Variants in MYO15A observed in about 807,000 individuals in gnomAD.
MYO15A encodes unconventional myosin-XV.
In MYO15A, 308 loss-of-function variants were observed where a neutral mutation model predicts 394.6. The ratio of observed to expected loss-of-function variants is 0.78; its 90% CI spans 0.71 to 0.86. The LOEUF is 0.86. Ranked by LOEUF, MYO15A falls within the 40% of genes least tolerant of loss-of-function variation. MYO15A has a pLI of 0.00. For synonymous variants in MYO15A, 1,957 were observed against 2,003.8 expected (o/e 0.98, Z 0.62); for missense variants, 4,606 against 4,799.1 (o/e 0.96, Z 1.19).
chr17:18,176,093 C>T (rs931006058), intron 65 of MYO15A, among the ~76,000 whole-genome samples: 1 of 152,184 alleles, frequency 6.6e-6, no homozygotes, highest in Non-Finnish European at 1.5e-5. Flanking sequence ...ACGATCCCTG[C>T]CCCCATAGCC....
At chr17:18,157,603 T>C in intron 50 of MYO15A, 119 bp from the exon 51 acceptor site, 2 of 1,528,226 alleles carry the variant, frequency 1.3e-6, no homozygotes, top group Admixed American at 2.1e-5. Flanking sequence ...TTTGATGGCC[T>C]GGCCTGCCTC....
In MYO15A at chr17:18,127,069, G is replaced by A. The variant is rs749417937; in HGVS notation, c.3942-6G>A. The A allele has an allele frequency of 6.8e-6, 11 of 1,613,898 alleles. No individual in the cohort carries two copies. The highest frequency in any genetic ancestry group is 5.5e-5 in the South Asian group (5 of 91,078). On this transcript the variant is annotated splice_polypyrimidine_tract_variant and splice_region_variant and intron_variant, in intron 6 of 65. Coordinates refer to ENST00000647165, the MANE Select transcript of MYO15A (RefSeq NM_016239.4). ...TGGAGCTCACTCTGCCCCTTTGCTC[G>A]GTCAGTGGAGAGAGCGGCTCTGGCA...
Position 18,157,898 on chromosome 17 carries a change from G to C in MYO15A, c.8965G>C (p.Glu2989Gln). The C allele has an allele frequency of 7.1e-7, 1 of 1,399,884 alleles. No individual in the cohort carries two copies. The allele number at this position is 1,399,884 out of a possible 1,614,324, so 86.7% of individuals were successfully genotyped here. The change falls in exon 51 of 66, where the codon GAG becomes CAG. Residue 2989 changes from glutamate (E) to glutamine (Q), a missense_variant and splice_region_variant. This residue lies in a region of MYO15A where 2,776 missense variants were observed against 3,109.3 expected (regional missense o/e 0.89). Coordinates refer to ENST00000647165, the MANE Select transcript of MYO15A (RefSeq NM_016239.4). ...AAAQEVGRRR[E>Q]GPPVRARSAD... ...TGCACAGGAGGTGGGCCGCAGGAGAGAGGTGAGACCAGTGTGGGTGGGGTG... is the reference window on the plus strand; with the variant it reads ...TGCACAGGAGGTGGGCCGCAGGAGACAGGTGAGACCAGTGTGGGTGGGGTG...
chr17:18,139,886 C>T (rs1467121954), intron 19 of MYO15A, among the ~76,000 whole-genome samples: 1 of 152,238 alleles, frequency 6.6e-6, no homozygotes, highest in Non-Finnish European at 1.5e-5. Context: ...TAACCCTGTA[C>T]CCCACCAGCT....
At position 18,141,278 on chromosome 17, in the gene MYO15A, C is replaced by T. The variant is rs2075659; in HGVS notation, c.5531+135C>T. The T allele has an allele frequency of 0.15, 190,405 of 1,309,638 alleles. 18,223 individuals carry two copies. The highest frequency in any genetic ancestry group is 0.49 in the East Asian group (20,245 of 41,118). 81.1% of individuals were successfully genotyped at this position (1,309,638 alleles called of 1,614,324 possible). ...GGTTGTACACTTCACAAGGCTACCA[C>T]ATGCTAACTGTTAATGTGGTAGATA... On this transcript the variant is annotated intron_variant, in intron 22 of 65. Coordinates refer to ENST00000647165, the MANE Select transcript of MYO15A (RefSeq NM_016239.4).
rs1456471717 is a variant in MYO15A, at chr17:18,121,425, C to T, written c.2625C>T (p.Leu875=). The T allele has an allele frequency of 3.2e-6, 5 of 1,544,482 alleles. No individual in the cohort carries two copies. The highest frequency in any genetic ancestry group is 3.5e-6 in the Non-Finnish European group (4 of 1,146,214). The change falls in exon 2 of 66, where the codon CTC becomes CTT. Residue 875 remains leucine, a synonymous_variant. Transcript: ENST00000647165. The surrounding 1 kb of genome is among the most constrained non-coding windows in gnomAD (Gnocchi z 5.3). ...PSRLPHTWRR[L]SEPPTRAVKP... The stretch of plus-strand genomic sequence containing the variant: ...GCCTCCCGCACACGTGGCGGCGCCT[C>T]AGCGAGCCACCCACTCGGGCTGTGA...
intron 7 of MYO15A, among the ~76,000 whole-genome samples, chr17:18,128,834 C>T (rs2046100526): frequency 6.6e-6 from 1 of 152,072 alleles, no homozygotes; most frequent in Admixed American, 6.5e-5. Context: ...TGGCAGAGAG[C>T]TGTCAGGGAG....
rs2045863378 is a variant in MYO15A, at chr17:18,119,529, C to T, written c.729C>T (p.Asp243=). Reference sequence around the variant, plus strand: ...ATTATGACTATCACCGCGACGGCGACGACTACTACGACCGGCAGTCACTCC... The same window carrying T: ...ATTATGACTATCACCGCGACGGCGATGACTACTACGACCGGCAGTCACTCC... The part of the protein sequence containing the change: ...GEYYDYHRDG[D]DYYDRQSLHR... Residue 243 remains aspartate (D), a synonymous_variant, in exon 2 of 66, where the codon GAC becomes GAT. Transcript: ENST00000647165. The T allele has an allele frequency of 1.2e-6, 2 of 1,609,818 alleles. No individual in the cohort carries two copies. The highest frequency in any genetic ancestry group is 8.5e-7 in the Non-Finnish European group (1 of 1,179,960).
intron 51 of MYO15A, 25 bp downstream of exon 51, chr17:18,157,925 G>T: frequency 6.9e-7 from 1 of 1,448,842 alleles, no homozygotes; most frequent in Non-Finnish European, 9.1e-7. Context: ...GGTGGGGTGG[G>T]GCGGGGTAGA....
At position 18,126,491 on chromosome 17, in the gene MYO15A, T is replaced by C. The variant is rs115946721; in HGVS notation, c.3866+35T>C. Reference sequence around the variant, plus strand: ...TCGGGGGCGCTGCCCTGGGGTCTCTTGGGCCCCTCTTTCCCCTGCTCTGGG... The same window carrying C: ...TCGGGGGCGCTGCCCTGGGGTCTCTCGGGCCCCTCTTTCCCCTGCTCTGGG... On this transcript the variant is annotated intron_variant, in intron 5 of 65. Transcript: ENST00000647165. The C allele has an allele frequency of 2.1e-3, 3,261 of 1,574,030 alleles. 55 individuals carry two copies. In the African/African-American group the frequency reaches 0.039, roughly 19 times the overall value.
chr17:18,118,193 A>G (rs1258029152), intron 1 of MYO15A, among the ~76,000 whole-genome samples: 3 of 151,920 alleles, frequency 2.0e-5, no homozygotes, highest in Non-Finnish European at 4.4e-5. Flanking sequence ...CTCCTGTTAC[A>G]CTGACCGCAG....
Position 18,122,351 on chromosome 17 carries a change from C to G in MYO15A, c.3551C>G (p.Ala1184Gly). Residue 1184 changes from alanine to glycine, a missense_variant, in exon 2 of 66, where the codon GCC becomes GGC. Ala to Gly is a moderately conservative substitution (Grantham distance 60). Transcript: ENST00000647165. The stretch of plus-strand genomic sequence containing the variant: ...TCCTGCCACCTGGGCCCTGGAGCTG[C>G]CTGCCTGTCCCTTAGGGGCTCCTGG... Reference protein sequence around the residue: ...PQSCHLGPGAACLSLRGSWEE... With the variant: ...PQSCHLGPGAGCLSLRGSWEE... The G allele has an allele frequency of 6.2e-7, 1 of 1,612,934 alleles. No individual in the cohort carries two copies. The highest frequency in any genetic ancestry group is 8.5e-7 in the Non-Finnish European group (1 of 1,180,000).
At position 18,162,664 on chromosome 17, in the gene MYO15A, G is replaced by A; in HGVS notation, c.9597G>A (p.Glu3199=). Residue 3199 remains glutamate (E), a synonymous_variant, in exon 58 of 66, where the codon GAG becomes GAA. Transcript: ENST00000647165. ...GTCTGGAGCTCCCCAGCAGCATAGA[G>A]CTTCGGGCCATGTTGGTGAGCATAG... ...GGRLELPSSI[E]LRAMLAGRSS... is the part of the protein sequence containing the mutation. The A allele has an allele frequency of 6.2e-7, 1 of 1,614,056 alleles. No homozygotes were observed.
In MYO15A at chr17:18,121,711, G is replaced by A; in HGVS notation, c.2911G>A (p.Val971Met). 6.2e-7 allele frequency: 1 copy of A among 1,603,860 alleles called. No individual in the cohort carries two copies. Among genetic ancestry groups the A allele is most frequent in the Non-Finnish European group, 8.5e-7 (1 of 1,174,566 alleles). Residue 971 changes from valine (V) to methionine (M), a missense_variant, in exon 2 of 66, where the codon GTG becomes ATG. Physicochemically the swap from Val to Met is conservative, Grantham distance 21. Transcript: ENST00000647165. This position sits in a 1 kb window ranked among gnomAD's most constrained non-coding sequence, Gnocchi z 5.3. ...CCCCTTTCTCCAGCTCCTGGGCCCT[G>A]TGCCATCCCCCACCCTCCAGCCTGA... The part of the protein sequence containing the change: ...ENPFLQLLGP[V>M]PSPTLQPEDP...
Position 18,148,477 on chromosome 17 carries a change from G to A in MYO15A, c.6692-19G>A, listed in dbSNP as rs759691514. 41 of 1,551,568 alleles carry A rather than the reference G, an allele frequency of 2.6e-5. No individual in the cohort carries two copies. Among genetic ancestry groups the A allele is most frequent in the Non-Finnish European group, 3.1e-5 (36 of 1,147,102 alleles). On this transcript the variant is annotated intron_variant, in intron 31 of 65. Transcript: ENST00000647165. The surrounding 1 kb of genome is among the most constrained non-coding windows in gnomAD (Gnocchi z 4.8). The stretch of plus-strand genomic sequence containing the variant: ...GACTCAGATGCTCCAACCTGAGCCC[G>A]GCACCTGCTGCGCCCCAGGTGACCA...
chr17:18,122,245 G>A lies in MYO15A; in HGVS notation c.3445G>A (p.Ala1149Thr), dbSNP rs766414503. ...VQPIQDPKPR[A>T]CSLRWSCLWL... is the part of the protein sequence containing the mutation. ...GCCCATTCAGGACCCCAAGCCAAGA[G>A]CCTGTAGTCTTCGCTGGTCCTGCCT... The change falls in exon 2 of 66, where the codon GCC (alanine) becomes ACC (threonine). Residue 1149 changes from alanine (A) to threonine (T), a missense_variant. Transcript: ENST00000647165. 1 of 1,613,218 alleles carries A rather than the reference G, an allele frequency of 6.2e-7. No individual in the cohort carries two copies. The highest frequency in any genetic ancestry group is 1.1e-5 in the South Asian group (1 of 91,074).
Position 18,166,318 on chromosome 17 carries a change from G to A in MYO15A, c.9788-43G>A, listed in dbSNP as rs538104618. The A allele has an allele frequency of 1.6e-5, 25 of 1,603,946 alleles. 1 individual carries two copies. The South Asian group carries it at 2.5e-4, about 16-fold the overall frequency. On this transcript the variant is annotated intron_variant, in intron 60 of 65. Coordinates refer to ENST00000647165, the MANE Select transcript of MYO15A (RefSeq NM_016239.4). ...TCTGTACAGGTGCACACATGTGTGT[G>A]CACACATGCCCCCACCCAGCCCTGC...
chr17:18,159,692 A>C lies in MYO15A; in HGVS notation c.9303+13A>C, dbSNP rs1442040316. The C allele has an allele frequency of 4.3e-6, 7 of 1,613,896 alleles. No individual in the cohort carries two copies. The highest frequency in any genetic ancestry group is 5.9e-6 in the Non-Finnish European group (7 of 1,179,930). On this transcript the variant is annotated intron_variant, in intron 55 of 65. Transcript: ENST00000647165. Reference sequence around the variant, plus strand: ...TAACCTCCTGAAGGTCAGTCCAGCCAACTTTGCCAGATGCCCCCTTTCCTG... The same window carrying C: ...TAACCTCCTGAAGGTCAGTCCAGCCCACTTTGCCAGATGCCCCCTTTCCTG...
Position 18,151,434 on chromosome 17 carries a change from A to G in MYO15A, c.7694A>G (p.Asn2565Ser), listed in dbSNP as rs367852917. The change falls in exon 40 of 66, where the codon AAC (asparagine) becomes AGC (serine). Residue 2565 changes from asparagine to serine, a missense_variant. Asn to Ser is a conservative substitution (Grantham distance 46, BLOSUM62 1). Coordinates refer to ENST00000647165, the MANE Select transcript of MYO15A (RefSeq NM_016239.4). ...GAGCTGGTCCGGTACTCTACGCTCA[A>G]CTCTGAGCACTTCCCACAGCCCACA... is the stretch of plus-strand genomic sequence containing the variant. ...SPELVRYSTL[N>S]SEHFPQPTQQ... is the part of the protein sequence containing the mutation. 5 of 1,613,882 alleles carry G rather than the reference A, an allele frequency of 3.1e-6. No homozygotes were observed. In the African/African-American group the frequency reaches 5.3e-5, roughly 17 times the overall value.
Sources: allele counts gnomAD v4.1 joint callset (sites outside exome capture counted in the v4.1 genomes callset), GRCh38; gene constraint gnomAD v4.1.1; regional missense constraint gnomAD v4.1.1; non-coding constraint Gnocchi (gnomAD v3.1); transcripts MANE v1.5; gene names NCBI Gene and HGNC (gene_info 2026-07-23, HGNC 2026-07-21).